Variants in TRIP12 observed in about 807,000 individuals in gnomAD.
The protein encoded by TRIP12 is thyroid hormone receptor interactor 12.
Under a neutral mutation model 244.2 loss-of-function variants are expected in TRIP12, and 25 were observed. The ratio of observed to expected loss-of-function variants is 0.10; its 90% confidence interval spans 0.07 to 0.14. The LOEUF is 0.14. Among genes scored for constraint, TRIP12 ranks in the 10% least tolerant of loss-of-function variants. The pLI, the probability that TRIP12 is intolerant of heterozygous loss-of-function variation, is 1.00. For synonymous variants in TRIP12, 905 were observed against 873.1 expected, an observed-to-expected ratio of 1.04 and a Z score of -0.64; for missense variants, 1,677 against 2,486.4, an observed-to-expected ratio of 0.67 and a Z score of 6.92.
intron 8 of TRIP12, among the ~76,000 whole-genome samples, chr2:229,821,869 C>G (rs1164910595): frequency 6.6e-6 from 1 of 152,086 alleles, no homozygotes; most frequent in African/African-American, 2.4e-5. Flanking sequence ...GCCAGATACC[C>G]TGGCTCACAC....
chr2:229,805,385 G>A (rs1486350597), intron 18 of TRIP12, among the ~76,000 whole-genome samples: 1 of 151,994 alleles, frequency 6.6e-6, no homozygotes, highest in Non-Finnish European at 1.5e-5. Flanking sequence ...TCCTTAATTA[G>A]TTCAGATAAT....
chr2:229,827,331 T>G (rs1265263475), intron 8 of TRIP12, among the ~76,000 whole-genome samples: 1 of 152,040 alleles, frequency 6.6e-6, no homozygotes, highest in Non-Finnish European at 1.5e-5. Context: ...TCCTGTAACT[T>G]TTTTACTTCA....
chr2:229,886,118 T>C (rs1476536990), intron 1 of TRIP12, among the ~76,000 whole-genome samples: 1 of 152,188 alleles, frequency 6.6e-6, no homozygotes, highest in Admixed American at 6.5e-5. Flanking sequence ...TTTATTATTT[T>C]ACTTTGATTT....
At chr2:229,881,994 G>A (rs1054063842) in intron 1 of TRIP12, among the ~76,000 whole-genome samples, 2 of 152,186 alleles carry the variant, frequency 1.3e-5, no homozygotes, top group African/African-American at 4.8e-5. Context: ...TTTAAGTACA[G>A]AGCTCTCAAG....
At chr2:229,908,025 T>C (rs945286600) in intron 1 of TRIP12, among the ~76,000 whole-genome samples, 1 of 151,810 alleles carries the variant, frequency 6.6e-6, no homozygotes, top group African/African-American at 2.4e-5. Context: ...TTAAACTGAA[T>C]CTCAGTGTTC....
chr2:229,820,936 A>G (rs2049885482), intron 8 of TRIP12, among the ~76,000 whole-genome samples: 1 of 152,192 alleles, frequency 6.6e-6, no homozygotes, highest in Non-Finnish European at 1.5e-5. Context: ...TGTAGAACTC[A>G]TGGATACAGA....
rs764345117 is a variant in TRIP12 at position 229,802,445 on chromosome 2, C to T, written c.3013G>A (p.Val1005Ile). The T allele has an allele frequency of 2.8e-5, 45 of 1,613,222 alleles. No homozygotes were observed. Among genetic ancestry groups the T allele is most frequent in the Non-Finnish European group, 3.6e-5 (43 of 1,179,546 alleles). Residue 1005 changes from valine (V) to isoleucine (I), a missense_variant, in exon 21 of 42, where the codon GTA (valine) becomes ATA (isoleucine). Transcript: ENST00000675903. ...YFRREGVMHQVKHLAESESLL... is the reference protein window; with the variant it reads ...YFRREGVMHQIKHLAESESLL... The stretch of plus-strand genomic sequence containing the variant: ...GACTCTGATTCTGCTAAGTGTTTTA[C>T]TTGATGCATTACACCTTTATAATAA...
intron 13 of TRIP12, among the ~76,000 whole-genome samples, chr2:229,811,571 G>A (rs2099794): frequency 1 from 152,119 of 152,330 alleles, 75,954 homozygotes; most frequent in Middle Eastern, 1. Context: ...TTAAGTGGGT[G>A]CACACTAAAA....
intron 8 of TRIP12, among the ~76,000 whole-genome samples, chr2:229,821,207 C>A (rs994744789): frequency 3.3e-5 from 5 of 152,144 alleles, no homozygotes; most frequent in African/African-American, 1.2e-4. Flanking sequence ...CGTTTAGTGC[C>A]ACTGCTTTGA....
chr2:229,909,089 C>A (rs1208242925), intron 1 of TRIP12, among the ~76,000 whole-genome samples: 2,462 of 110,382 alleles, frequency 0.022, no homozygotes, highest in African/African-American at 0.023. Context: ...GACTCTGTCT[C>A]AAAAAAAAAA....
intron 1 of TRIP12, among the ~76,000 whole-genome samples, chr2:229,890,156 T>G (rs1413843834): frequency 6.6e-6 from 1 of 151,064 alleles, no homozygotes; most frequent in Non-Finnish European, 1.5e-5. Flanking sequence ...CTAGGCTCAC[T>G]GCAACCTCCG....
rs1161855546 is a variant in TRIP12 at position 229,766,055 on chromosome 2, CAATT to C, written c.*1495_*1498del. On this transcript the variant is annotated 3_prime_UTR_variant, in exon 42 of 42. Transcript: ENST00000675903. ...GGGATAGGGAAAAGGGCTTTTGTGT[CAATT>C]AATTAAAACTTACAGAACAGTCAAA... 6.6e-6 allele frequency: 1 copy of C among 151,646 alleles called. No individual in the cohort carries two copies. The highest frequency in any genetic ancestry group is 1.5e-5 in the Non-Finnish European group (1 of 67,954). 9.4% of individuals were successfully genotyped at this position (151,646 alleles called of 1,614,324 possible).
chr2:229,868,494 C>A lies in TRIP12; in HGVS notation c.99-7963G>T, dbSNP rs76636345. Among the ~76,000 whole-genome samples, 1,067 of 152,270 alleles carry A rather than the reference C, an allele frequency of 7.0e-3. 15 individuals are homozygous for A. Among genetic ancestry groups the A allele is most frequent in the African/African-American group, 0.024 (1,003 of 41,562 alleles). Reference sequence around the variant, plus strand: ...CTGACATTACAGGCATGAGACACTGCGCCCAACCAATTCTAGTATAAATAC... The same window carrying A: ...CTGACATTACAGGCATGAGACACTGAGCCCAACCAATTCTAGTATAAATAC... On this transcript the variant is annotated intron_variant, in intron 2 of 41. Transcript: ENST00000675903.
intron 24 of TRIP12, among the ~76,000 whole-genome samples, chr2:229,797,085 A>G (rs2042999982): frequency 6.6e-6 from 1 of 152,204 alleles, no homozygotes; most frequent in South Asian, 2.1e-4. Flanking sequence ...AAACTGAAGA[A>G]TAAGGGGCTA....
chr2:229,783,815 A>G lies in TRIP12; in HGVS notation c.5094+1942T>C, dbSNP rs982372142. Among the ~76,000 whole-genome samples the G allele has an allele frequency of 4.3e-4, 65 of 151,638 alleles. No individual in the cohort carries two copies. In the South Asian group the frequency reaches 0.013, roughly 30 times the overall value. On this transcript the variant is annotated intron_variant, in intron 34 of 41. Coordinates refer to ENST00000675903, the MANE Select transcript of TRIP12 (RefSeq NM_001348323.3). Reference sequence around the variant, plus strand: ...AAAATAACCAAACCATCTTTTAAAAAAAAAAAAAAAAAAGGCCAGGCACGG... The same window carrying G: ...AAAATAACCAAACCATCTTTTAAAAGAAAAAAAAAAAAAGGCCAGGCACGG...
intron 25 of TRIP12, among the ~76,000 whole-genome samples, chr2:229,795,783 T>G (rs1261944984): frequency 6.6e-6 from 1 of 152,230 alleles, no homozygotes; most frequent in Admixed American, 6.5e-5. Flanking sequence ...GAAAAGAGAT[T>G]GCACATAATC....
chr2:229,789,501 C>T (rs1001045314), intron 31 of TRIP12, 110 bp downstream of exon 31: 7 of 1,335,686 alleles, frequency 5.2e-6, no homozygotes, highest in Non-Finnish European at 7.1e-6. Flanking sequence ...TTGTACTTTA[C>T]TGGGCTAGGA....
At chr2:229,850,243 C>G (rs1050936499) in intron 4 of TRIP12, among the ~76,000 whole-genome samples, 1 of 152,122 alleles carries the variant, frequency 6.6e-6, no homozygotes, top group African/African-American at 2.4e-5. Context: ...GAAGTCAATG[C>G]TGTATTTACA....
chr2:229,789,892 G>T (rs2041004071), intron 30 of TRIP12, 130 bp from the exon 31 acceptor site: 2 of 948,030 alleles, frequency 2.1e-6, no homozygotes, highest in Non-Finnish European at 1.5e-6. Flanking sequence ...TTATTAGTAG[G>T]GTATTGATAA....
Sources: gnomAD v4.1 joint callset for allele counts (sites outside exome capture counted in the v4.1 genomes callset) on GRCh38, gnomAD v4.1.1 for gene constraint, MANE v1.5 for transcripts, NCBI Gene and HGNC (gene_info 2026-07-23, HGNC 2026-07-21) for gene names.